Variants in ACCS observed in about 807,000 individuals in gnomAD.
ACCS encodes the protein 1-aminocyclopropane-1-carboxylate synthase homolog (inactive).
Under a neutral mutation model 59.8 loss-of-function variants are expected in ACCS, and 42 were observed. The ratio of observed to expected loss-of-function variants is 0.70; its 90% confidence interval spans 0.55 to 0.91. The LOEUF (loss-of-function observed/expected upper bound fraction) is 0.91. Among genes scored for constraint, ACCS ranks in the 40% least tolerant of loss-of-function variants. The pLI, the probability that ACCS is intolerant of heterozygous loss-of-function variation, is 0.00. For synonymous variants in ACCS, 230 were observed against 240.3 expected (o/e 0.96, Z 0.40); for missense variants, 602 against 630.4 (o/e 0.95, Z 0.48).
At chr11:44,075,220 C>A (rs1282885081) in intron 5 of ACCS, among the ~76,000 whole-genome samples, 1 of 152,148 alleles carries the variant, frequency 6.6e-6, no homozygotes, top group Admixed American at 6.5e-5. Flanking sequence ...TTAGGAATAC[C>A]TTCTCCCTCC....
In ACCS at chr11:44,071,299, A is replaced by G; in HGVS notation, c.332A>G (p.Asp111Gly). Reference sequence around the variant, plus strand: ...ACCAGTGAGAACAAACTCTGCTTTGACCTGCTGTCCTGGCGGGTAAGTCCT... The same window carrying G: ...ACCAGTGAGAACAAACTCTGCTTTGGCCTGCTGTCCTGGCGGGTAAGTCCT... ...LGTSENKLCF[D>G]LLSWRLSQRD... The change falls in exon 3 of 15, where the codon GAC becomes GGC. Residue 111 changes from aspartate (D) to glycine (G), a missense_variant. Physicochemically the swap from Asp to Gly is moderately conservative, Grantham distance 94. Coordinates refer to ENST00000263776, the MANE Select transcript of ACCS (RefSeq NM_032592.4). 1 of 1,613,976 alleles carries G rather than the reference A, an allele frequency of 6.2e-7. No homozygotes were observed. The highest frequency in any genetic ancestry group is 8.5e-7 in the Non-Finnish European group (1 of 1,179,948).
Position 44,083,857 on chromosome 11 carries a change from G to A in ACCS, c.*65G>A, listed in dbSNP as rs1953752926. The A allele has an allele frequency of 7.1e-6, 11 of 1,548,536 alleles. No individual in the cohort carries two copies. Among genetic ancestry groups the A allele is most frequent in the Non-Finnish European group, 7.9e-6 (9 of 1,145,752 alleles). On this transcript the variant is annotated 3_prime_UTR_variant, in exon 15 of 15. Transcript: ENST00000263776. The stretch of plus-strand genomic sequence containing the variant: ...TGTGGACCTGGGGCGTTCTGGGGCT[G>A]CAGAAGACTGACTGTGGATGTGCCA...
chr11:44,067,671 G>A lies in ACCS; in HGVS notation c.44G>A (p.Cys15Tyr). The A allele has an allele frequency of 5.6e-6, 9 of 1,614,054 alleles. No individual in the cohort carries two copies. The highest frequency in any genetic ancestry group is 7.6e-6 in the Non-Finnish European group (9 of 1,179,938). The part of the protein sequence containing the change: ...PQKDFRAPTT[C>Y]LGPTCMQDLG... Reference sequence around the variant, plus strand: ...AAGGACTTCAGGGCTCCCACCACCTGTCTGGGCCCCACCTGCATGCAGGAC... The same window carrying A: ...AAGGACTTCAGGGCTCCCACCACCTATCTGGGCCCCACCTGCATGCAGGAC... The change falls in exon 2 of 15, where the codon TGT becomes TAT. Residue 15 changes from cysteine (C) to tyrosine (Y), a missense_variant. Transcript: ENST00000263776.
Position 44,073,470 on chromosome 11 carries a change from G to C in ACCS, c.372G>C (p.Arg124Ser), listed in dbSNP as rs1383818361. 6.2e-7 allele frequency: 1 copy of C among 1,609,070 alleles called. No individual in the cohort carries two copies. The highest frequency in any genetic ancestry group is 8.5e-7 in the Non-Finnish European group (1 of 1,178,126). The change falls in exon 4 of 15, where the codon AGG becomes AGC. Residue 124 changes from arginine to serine, a missense_variant. Physicochemically the swap from Arg to Ser is moderately radical, Grantham distance 110. Transcript: ENST00000263776. ...SWRLSQRDMQ[R>S]VEPSLLQYAD... Reference sequence around the variant, plus strand: ...AGCTGAGTCAGCGCGACATGCAGAGGGTGGAGCCATCCCTGCTGCAGTATG... The same window carrying C: ...AGCTGAGTCAGCGCGACATGCAGAGCGTGGAGCCATCCCTGCTGCAGTATG...
At chr11:44,078,580 C>G (rs1953486569) in intron 8 of ACCS, 104 bp from the exon 9 acceptor site, 3 of 854,266 alleles carry the variant, frequency 3.5e-6, no homozygotes, top group East Asian at 5.1e-5. Flanking sequence ...AACATGTCCC[C>G]CTCAAATCTC....
At chr11:44,074,754 TTC>T (rs1221912831) in intron 5 of ACCS, 73 bp downstream of exon 5, 16 of 483,092 alleles carry the variant, frequency 3.3e-5, no homozygotes, top group Middle Eastern at 5.0e-4. Context: ...CTTTCTTTCT[TTC>T]TTTCTTTCTT....
intron 2 of ACCS, among the ~76,000 whole-genome samples, chr11:44,069,415 C>T (rs1159160538): frequency 6.6e-6 from 1 of 152,132 alleles, no homozygotes; most frequent in Non-Finnish European, 1.5e-5. Context: ...CAGGGTTTTG[C>T]CATGTTGGCC....
intron 7 of ACCS, 184 bp downstream of exon 7, chr11:44,077,560 G>C (rs1953432910): frequency 6.9e-7 from 1 of 1,444,014 alleles, no homozygotes; most frequent in Non-Finnish European, 9.0e-7. Flanking sequence ...TCCAGTCTCT[G>C]AGATCCCTGG....
rs755451613 is a variant in ACCS at position 44,077,348 on chromosome 11, G to A, written c.626G>A (p.Arg209Gln). The change falls in exon 7 of 15, where the codon CGG becomes CAG. Residue 209 changes from arginine to glutamine, a missense_variant. Arg to Gln is a conservative substitution (Grantham distance 43, BLOSUM62 1). Transcript: ENST00000263776. ...TQHVCLYGNI[R>Q]LAYVYLDSEV... ...CACGTGTGTCTCTATGGCAACATCC[G>A]GCTGGCCTATGTCTACCTGGACAGT... 31 of 1,614,002 alleles carry A rather than the reference G, an allele frequency of 1.9e-5. No individual in the cohort carries two copies. The highest frequency in any genetic ancestry group is 1.4e-4 in the South Asian group (13 of 91,068).
intron 2 of ACCS, among the ~76,000 whole-genome samples, chr11:44,069,909 G>A (rs1036652948): frequency 6.6e-6 from 1 of 152,212 alleles, no homozygotes; most frequent in Admixed American, 6.5e-5. Flanking sequence ...GTGAATACCA[G>A]TAGGCCTTAC....
intron 3 of ACCS, among the ~76,000 whole-genome samples, chr11:44,072,907 G>T (rs573554907): frequency 4.6e-4 from 70 of 152,170 alleles, no homozygotes; most frequent in Non-Finnish European, 7.8e-4. Flanking sequence ...CCCTGCATTG[G>T]CCCTTCTTTG....
rs1482384402 is a variant in ACCS at position 44,083,938 on chromosome 11, T to A, written c.*146T>A. ...TGCCTGAAGAACTGTTTCTTGTCTT[T>A]CGCTGTAGCAGTGGGAAACTCCTTA... On this transcript the variant is annotated 3_prime_UTR_variant, in exon 15 of 15. Transcript: ENST00000263776. 6.8e-7 allele frequency: 1 copy of A among 1,462,452 alleles called. No homozygotes were observed. The highest frequency in any genetic ancestry group is 1.4e-5 in the African/African-American group (1 of 70,894). The allele number at this position is 1,462,452 out of a possible 1,614,324, so 90.6% of individuals were successfully genotyped here.
At chr11:44,076,174 G>A (rs1261438444) in intron 6 of ACCS, among the ~76,000 whole-genome samples, 2 of 152,192 alleles carry the variant, frequency 1.3e-5, no homozygotes, top group Non-Finnish European at 2.9e-5. Context: ...GCTGTTGAGT[G>A]GGCAGCCAGC....
At position 44,075,539 on chromosome 11, in the gene ACCS, A is replaced by T. The variant is rs1329384470; in HGVS notation, c.503A>T (p.Asn168Ile). The T allele has an allele frequency of 9.9e-6, 16 of 1,613,986 alleles. No homozygotes were observed. The highest frequency in any genetic ancestry group is 1.4e-5 in the Non-Finnish European group (16 of 1,180,016). The change falls in exon 6 of 15, where the codon AAT (asparagine) becomes ATT (isoleucine). Residue 168 changes from asparagine to isoleucine, a missense_variant. By Grantham distance (149) the Asn-to-Ile change is moderately radical. Coordinates refer to ENST00000263776, the MANE Select transcript of ACCS (RefSeq NM_032592.4). ...PLRPENVVVL[N>I]GGASLFSALA... ...TGTCGCCCTTAGGTGGTTGTCCTGA[A>T]TGGTGGTGCCTCGCTCTTCTCTGCT...
At chr11:44,077,632 A>G in intron 7 of ACCS, 1 of 1,436,318 alleles carries the variant, frequency 7.0e-7, no homozygotes, top group Non-Finnish European at 9.1e-7. Flanking sequence ...AGCAGGGTAG[A>G]CCTAAGCATG....
chr11:44,072,806 T>TAAGGGAGG (rs1337040820), intron 3 of ACCS, among the ~76,000 whole-genome samples: 3 of 152,310 alleles, frequency 2.0e-5, no homozygotes, highest in African/African-American at 7.2e-5. Flanking sequence ...AGTGTGGCTC[T>TAAGGGAGG]AAGGGAGGAA....
At position 44,083,681 on chromosome 11, in the gene ACCS, C is replaced by T. The variant is rs1195317702; in HGVS notation, c.1409-14C>T. 1.9e-6 allele frequency: 3 copies of T among 1,614,088 alleles called. No homozygotes were observed. The highest frequency in any genetic ancestry group is 1.3e-5 in the African/African-American group (1 of 74,928). On this transcript the variant is annotated splice_polypyrimidine_tract_variant and intron_variant, in intron 14 of 14. Transcript: ENST00000263776. ...GCCATCAGTGCCAACTGGCCCCTCACTTCCCCTTCCCAGGGATGCAGAGGG... is the reference window on the plus strand; with the variant it reads ...GCCATCAGTGCCAACTGGCCCCTCATTTCCCCTTCCCAGGGATGCAGAGGG...
chr11:44,078,205 G>A (rs1018514705), intron 8 of ACCS: 52 of 444,650 alleles, frequency 1.2e-4, no homozygotes, highest in African/African-American at 9.6e-4. Context: ...TTATGATTCA[G>A]TGGGTCAAGT....
chr11:44,077,117 GGATC>G (rs1953401190), intron 6 of ACCS, among the ~76,000 whole-genome samples, 158 bp from the exon 7 acceptor site: 1 of 152,136 alleles, frequency 6.6e-6, no homozygotes, highest in South Asian at 2.1e-4. Context: ...TGATCTCAGT[GGATC>G]CAAGCTTTCC....
Sources: allele counts gnomAD v4.1 joint callset (sites outside exome capture counted in the v4.1 genomes callset), GRCh38; gene constraint gnomAD v4.1.1; transcripts MANE v1.5; gene names NCBI Gene and HGNC (gene_info 2026-07-23, HGNC 2026-07-21).